The following RGS9 variants were observed in gnomAD, a reference collection of about 807,000 sequenced individuals.
RGS9 encodes regulator of G protein signaling 9.
In RGS9, 78 loss-of-function variants were observed where a neutral mutation model predicts 102.0. The ratio of observed to expected loss-of-function variants is 0.76; its 90% confidence interval spans 0.64 to 0.92. The LOEUF is 0.92. Among genes scored for constraint, RGS9 ranks in the 40% least tolerant of loss-of-function variants. RGS9 has a pLI of 0.00. For synonymous variants in RGS9, 353 were observed against 318.6 expected (o/e 1.11, Z -1.15); for missense variants, 833 against 866.1 (o/e 0.96, Z 0.48).
rs777245999 is a variant in RGS9, at chr17:65,225,159, G to T, written c.1565G>T (p.Cys522Phe). ...RFIRRPSTTI[C>F]PSPIRVALES... ...ATCCGGCGACCCAGCACCACCATCT[G>T]CCCCTCACCCATCAGAGTGGCCTTG... The change falls in exon 18 of 19, where the codon TGC (cysteine) becomes TTC (phenylalanine). Residue 522 changes from cysteine to phenylalanine, a missense_variant. Coordinates refer to ENST00000262406, the MANE Select transcript of RGS9 (RefSeq NM_003835.4). 12 of 1,613,580 alleles carry T rather than the reference G, an allele frequency of 7.4e-6. No individual in the cohort carries two copies. In the Admixed American group the frequency reaches 2.0e-4, roughly 27 times the overall value.
rs577565040 is a variant in RGS9, at chr17:65,166,653, A to G, written c.501-1547A>G. Among the ~76,000 whole-genome samples the G allele has an allele frequency of 3.3e-5, 5 of 152,318 alleles. No individual in the cohort carries two copies. In the East Asian group the frequency reaches 9.6e-4, roughly 29 times the overall value. ...TTTATCATGACTCTCCTCTAATAAC[A>G]TCTGTTACAGAAAAGCAGAAGAGCA... On this transcript the variant is annotated intron_variant, in intron 7 of 18. Coordinates refer to ENST00000262406, the MANE Select transcript of RGS9 (RefSeq NM_003835.4).
In RGS9 at chr17:65,210,587, C is replaced by T. The variant is rs771896163; in HGVS notation, c.1389C>T (p.Asn463=). The change falls in exon 17 of 19, where the codon AAC becomes AAT. Residue 463 remains asparagine, a synonymous_variant. Coordinates refer to ENST00000262406, the MANE Select transcript of RGS9 (RefSeq NM_003835.4). ...EEEAKAREAA[N]TVDITQPGQH... ...AAGCCAAGGCCCGAGAAGCAGCCAA[C>T]ACTGTGGACATCACCCAGGTCATGA... 6 of 1,614,062 alleles carry T rather than the reference C, an allele frequency of 3.7e-6. No homozygotes were observed. The South Asian group carries it at 6.6e-5, about 18-fold the overall frequency.
Position 65,153,444 on chromosome 17 carries a change from T to G in RGS9, c.80T>G (p.Met27Arg). The G allele has an allele frequency of 1.9e-6, 3 of 1,613,896 alleles. No individual in the cohort carries two copies. The highest frequency in any genetic ancestry group is 2.5e-6 in the Non-Finnish European group (3 of 1,179,754). ...CAGATTGAAGCGCTCGTGAAGGACATGCAGAACCCAGAGACAGGGGTCCGA... is the reference window on the plus strand; with the variant it reads ...CAGATTGAAGCGCTCGTGAAGGACAGGCAGAACCCAGAGACAGGGGTCCGA... Reference protein sequence around the residue: ...LQKIEALVKDMQNPETGVRMQ... With the variant: ...LQKIEALVKDRQNPETGVRMQ... The change falls in exon 2 of 19, where the codon ATG becomes AGG. Residue 27 changes from methionine (M) to arginine (R), a missense_variant. This residue lies in a region of RGS9 where 328 missense variants were observed against 340.6 expected (regional missense o/e 0.96). Transcript: ENST00000262406.
intron 8 of RGS9, among the ~76,000 whole-genome samples, chr17:65,168,545 CTTTTTTTTTTT>C (rs5821624): frequency 5.9e-5 from 5 of 85,276 alleles, no homozygotes; most frequent in East Asian, 5.8e-4. Context: ...AGGGCTGGGA[CTTTTTTTTTTT>C]TTTTTTTTTT....
intron 1 of RGS9, among the ~76,000 whole-genome samples, chr17:65,145,494 T>G (rs908286585): frequency 5.9e-5 from 9 of 151,982 alleles, no homozygotes; most frequent in African/African-American, 2.2e-4. Context: ...GTTCAAGCGA[T>G]TCTCCTGCCT....
At chr17:65,186,341 A>T (rs1419586490) in intron 9 of RGS9, among the ~76,000 whole-genome samples, 1 of 141,838 alleles carries the variant, frequency 7.1e-6, no homozygotes, top group African/African-American at 2.5e-5. Flanking sequence ...ACCCCCCACC[A>T]AGTAACTGGG....
intron 2 of RGS9, among the ~76,000 whole-genome samples, chr17:65,157,284 C>T (rs961286419): frequency 5.3e-5 from 8 of 152,118 alleles, no homozygotes; most frequent in Middle Eastern, 3.4e-3. Context: ...ATCTGTGATG[C>T]GGTGCTTCGT....
chr17:65,201,345 T>C (rs1912834328), intron 13 of RGS9, among the ~76,000 whole-genome samples: 1 of 152,196 alleles, frequency 6.6e-6, no homozygotes, highest in Admixed American at 6.5e-5. Flanking sequence ...TGGCCAGACC[T>C]TCCCTGAGGG....
At chr17:65,227,211 T>G in intron 18 of RGS9, 64 bp from the exon 19 acceptor site, 1 of 1,608,464 alleles carries the variant, frequency 6.2e-7, no homozygotes, top group Non-Finnish European at 8.5e-7. Context: ...TCAGGATGAT[T>G]TGGGGAGGTG....
chr17:65,153,487 C>G lies in RGS9; in HGVS notation c.123C>G (p.Val41=), dbSNP rs748134690. ...ETGVRMQNQR[V]LVTSVPHAMT... ...GGGTCCGAATGCAGAACCAGAGGGTCCTGGTCACCAGCGTTCCTCATGCCA... is the reference window on the plus strand; with the variant it reads ...GGGTCCGAATGCAGAACCAGAGGGTGCTGGTCACCAGCGTTCCTCATGCCA... The change falls in exon 2 of 19, where the codon GTC becomes GTG. Residue 41 remains valine, a synonymous_variant. Coordinates refer to ENST00000262406, the MANE Select transcript of RGS9 (RefSeq NM_003835.4). 6.2e-7 allele frequency: 1 copy of G among 1,614,038 alleles called. No individual in the cohort carries two copies. The highest frequency in any genetic ancestry group is 1.3e-5 in the African/African-American group (1 of 74,930).
chr17:65,189,331 C>T lies in RGS9; in HGVS notation c.684+16C>T. The stretch of plus-strand genomic sequence containing the variant: ...CAAAAAAGAGGTAATTAGTCTTACA[C>T]TTCCAGTGAAGAATGGTTTTAAATC... On this transcript the variant is annotated intron_variant, in intron 10 of 18. Transcript: ENST00000262406. The T allele has an allele frequency of 6.3e-7, 1 of 1,593,982 alleles. No individual in the cohort carries two copies. The highest frequency in any genetic ancestry group is 8.6e-7 in the Non-Finnish European group (1 of 1,161,750).
At chr17:65,169,898 T>C (rs887792012) in intron 8 of RGS9, among the ~76,000 whole-genome samples, 6 of 151,524 alleles carry the variant, frequency 4.0e-5, no homozygotes, top group Admixed American at 2.6e-4. Flanking sequence ...CTCCCTGACC[T>C]CTACCACCTC....
intron 7 of RGS9, among the ~76,000 whole-genome samples, 183 bp from the exon 8 acceptor site, chr17:65,168,017 G>A (rs1426142899): frequency 6.6e-6 from 1 of 151,616 alleles, no homozygotes; most frequent in Non-Finnish European, 1.5e-5. Context: ...ACGTGTCAAA[G>A]TGGTTAGAAG....
intron 2 of RGS9, among the ~76,000 whole-genome samples, chr17:65,156,382 C>A (rs545967619): frequency 2.0e-5 from 3 of 152,248 alleles, no homozygotes; most frequent in Non-Finnish European, 4.4e-5. Context: ...TCCCTGCACA[C>A]GGGGCACACT....
intron 8 of RGS9, among the ~76,000 whole-genome samples, chr17:65,176,655 C>A (rs1911634959): frequency 6.6e-6 from 1 of 152,106 alleles, no homozygotes; most frequent in South Asian, 2.1e-4. Flanking sequence ...TCTTTTGGAG[C>A]CTGAATGTTA....
intron 6 of RGS9, 119 bp from the exon 7 acceptor site, chr17:65,162,894 G>T: frequency 2.9e-6 from 2 of 691,912 alleles, no homozygotes; most frequent in East Asian, 2.8e-5. Flanking sequence ...ATACCATCGG[G>T]CTGGGTCCAT....
At chr17:65,182,905 T>A (rs1162734531) in intron 9 of RGS9, among the ~76,000 whole-genome samples, 2 of 152,216 alleles carry the variant, frequency 1.3e-5, no homozygotes, top group Non-Finnish European at 2.9e-5. Flanking sequence ...TTCTGAACAG[T>A]GAACTGCATT....
chr17:65,181,324 T>C (rs989090679), intron 9 of RGS9, among the ~76,000 whole-genome samples: 2 of 152,372 alleles, frequency 1.3e-5, no homozygotes, highest in South Asian at 4.1e-4. Flanking sequence ...TTTTTGATAA[T>C]AGCCATTCTG....
chr17:65,218,308 C>T (rs77627015), intron 17 of RGS9, among the ~76,000 whole-genome samples: 2,053 of 152,314 alleles, frequency 0.013, 48 homozygotes, highest in African/African-American at 0.047. Flanking sequence ...TGACTACTTT[C>T]GATGCAGAAC....
Sources: gnomAD v4.1 joint callset for allele counts (sites outside exome capture counted in the v4.1 genomes callset) on GRCh38, gnomAD v4.1.1 for gene constraint, gnomAD v4.1.1 regional missense constraint, MANE v1.5 for transcripts, NCBI Gene and HGNC (gene_info 2026-07-23, HGNC 2026-07-21) for gene names.